Variants in TMEM71 observed in about 807,000 individuals in gnomAD.
TMEM71 encodes the protein transmembrane protein 71.
A neutral mutation model predicts 38.0 loss-of-function variants in TMEM71; 44 were observed. The observed-to-expected ratio is 1.16, with a 90% CI of 0.91 to 1.49. The LOEUF (loss-of-function observed/expected upper bound fraction) is 1.49. TMEM71 is among the 40% of genes most tolerant of loss of function. TMEM71 has a pLI of 0.00. For synonymous variants in TMEM71, 133 were observed against 122.5 expected, an observed-to-expected ratio of 1.09 and a Z score of -0.56; for missense variants, 367 against 348.6, an observed-to-expected ratio of 1.05 and a Z score of -0.42.
intron 6 of TMEM71, among the ~76,000 whole-genome samples, chr8:132,723,121 C>T (rs186459441): frequency 8.0e-4 from 122 of 152,246 alleles, no homozygotes; most frequent in Non-Finnish European, 8.1e-4. Flanking sequence ...GCCCATAATG[C>T]GGGTGGAATG....
At chr8:132,707,651 C>T (rs1826112888), downstream of TMEM71, among the ~76,000 whole-genome samples, 1 of 152,074 alleles carries the variant, frequency 6.6e-6, no homozygotes, top group Non-Finnish European at 1.5e-5. Context: ...TGCCAGATGC[C>T]AGCACCTTGA....
rs1827243303 is a variant in TMEM71 at position 132,727,958 on chromosome 8, A to T, written c.516T>A (p.Thr172=). ...NADDLDCSSL[T]DDWESGKMNA... ...TCATCTTCCCTGACTCCCAGTCATC[A>T]GTCAGAGAAGAACAGTCTAAATCAT... The change falls in exon 6 of 10, where the codon ACT becomes ACA. Residue 172 remains threonine (T), a synonymous_variant. Coordinates refer to ENST00000677595, the MANE Select transcript of TMEM71 (RefSeq NM_001382403.1). The T allele has an allele frequency of 6.2e-7, 1 of 1,613,604 alleles. No individual in the cohort carries two copies. Among genetic ancestry groups the T allele is most frequent in the Non-Finnish European group, 8.5e-7 (1 of 1,179,818 alleles).
At chr8:132,767,386 C>G in the TMEM71 span, among the ~76,000 whole-genome samples, 1 of 151,942 alleles carries the variant, frequency 6.6e-6, no homozygotes, top group Admixed American at 6.6e-5. Context: ...ATTCTAAGAA[C>G]ATATCAACAA....
In TMEM71 at chr8:132,757,218, A is replaced by C. The variant is rs1464462759; in HGVS notation, c.101+16T>G. ...GCCAGAATGATTATTTTTTTAAAAG[A>C]AGCCCCATAGTATACCTTGGGAAAA... On this transcript the variant is annotated intron_variant, in intron 3 of 9. Coordinates refer to ENST00000677595, the MANE Select transcript of TMEM71 (RefSeq NM_001382403.1). The C allele has an allele frequency of 6.3e-7, 1 of 1,594,516 alleles. No homozygotes were observed. The highest frequency in any genetic ancestry group is 1.7e-5 in the Admixed American group (1 of 59,708).
chr8:132,720,673 A>G lies in TMEM71; in HGVS notation c.752+1367T>C, dbSNP rs111779265. On this transcript the variant is annotated intron_variant, in intron 7 of 9. Transcript: ENST00000677595. ...TCAGTAAATCTTAATTAGAATCTCA[A>G]GAGATGGGATCTAGGACTTTGTATT... Among the ~76,000 whole-genome samples the G allele has an allele frequency of 2.9e-3, 445 of 152,328 alleles. 2 individuals are homozygous for G. The highest frequency in any genetic ancestry group is 1.0e-2 in the African/African-American group (414 of 41,580).
Position 132,722,117 on chromosome 8 carries a change from T to C in TMEM71, c.677-2A>G. On this transcript the variant is annotated splice_acceptor_variant, in intron 6 of 9. Transcript: ENST00000677595. LOFTEE classifies it high-confidence loss of function. ...AGACCTCTTGCAACAACCTGGTTTC[T>C]AATAGGAAGAACAAAAACAAATAAA... 1 of 1,609,464 alleles carries C rather than the reference T, an allele frequency of 6.2e-7. No individual in the cohort carries two copies. Among genetic ancestry groups the C allele is most frequent in the Non-Finnish European group, 8.5e-7 (1 of 1,176,760 alleles).
chr8:132,715,203 G>A (rs1026132992), intron 7 of TMEM71, among the ~76,000 whole-genome samples: 1 of 151,688 alleles, frequency 6.6e-6, no homozygotes. Flanking sequence ...TCAGGAGATT[G>A]AGACCGTCCT....
intron 7 of TMEM71, among the ~76,000 whole-genome samples, chr8:132,715,687 C>T (rs1826489339): frequency 6.6e-6 from 1 of 152,094 alleles, no homozygotes; most frequent in African/African-American, 2.4e-5. Flanking sequence ...CCAAGACACC[C>T]TTCAATAGGT....
chr8:132,751,823 T>C lies in TMEM71; in HGVS notation c.276A>G (p.Pro92=), dbSNP rs1212335239. The change falls in exon 4 of 10, where the codon CCA becomes CCG. Residue 92 remains proline (P), a synonymous_variant. Coordinates refer to ENST00000677595, the MANE Select transcript of TMEM71 (RefSeq NM_001382403.1). ...CCTTATACATAACGCTGGTCTGGGA[T>C]GGGTTCAGAGTTATGTTGCCATCTT... ...CDKDGNITLN[P]SQTSVMYKEN... is the part of the protein sequence containing the mutation. 6.2e-7 allele frequency: 1 copy of C among 1,613,882 alleles called. No homozygotes were observed. Among genetic ancestry groups the C allele is most frequent in the South Asian group, 1.1e-5 (1 of 91,072 alleles).
intron 5 of TMEM71, among the ~76,000 whole-genome samples, chr8:132,741,973 C>G (rs535553443): frequency 6.6e-6 from 1 of 152,360 alleles, no homozygotes; most frequent in African/African-American, 2.4e-5. Flanking sequence ...CGGGCGTCTT[C>G]CCAGACGCTG....
At chr8:132,771,243 A>T in the TMEM71 span, among the ~76,000 whole-genome samples, 1 of 152,176 alleles carries the variant, frequency 6.6e-6, no homozygotes, top group Non-Finnish European at 1.5e-5. Context: ...TCCAGGATCC[A>T]CCTGTCATTC....
At chr8:132,740,733 C>T (rs1401823574) in intron 5 of TMEM71, among the ~76,000 whole-genome samples, 3 of 152,228 alleles carry the variant, frequency 2.0e-5, no homozygotes, top group East Asian at 3.8e-4. Context: ...CGACCAGCCA[C>T]ACGGACCTTT....
chr8:132,765,073 A>G (rs538241112), upstream of TMEM71, among the ~76,000 whole-genome samples: 1 of 152,338 alleles, frequency 6.6e-6, no homozygotes, highest in East Asian at 1.9e-4. Flanking sequence ...AGTAAAAATC[A>G]ACCTTCAAGC....
the TMEM71 span, among the ~76,000 whole-genome samples, chr8:132,771,388 T>A: frequency 2.6e-5 from 4 of 152,162 alleles, no homozygotes; most frequent in Admixed American, 2.6e-4. Flanking sequence ...TTGCTGCATT[T>A]GCTGAAATAG....
intron 3 of TMEM71, 135 bp from the exon 4 acceptor site, chr8:132,752,132 A>G: frequency 1.4e-6 from 1 of 719,800 alleles, no homozygotes; most frequent in Non-Finnish European, 2.4e-6. Flanking sequence ...ACCATTAGGA[A>G]TGTCACTCTT....
At chr8:132,724,418 G>T (rs1827021111) in intron 6 of TMEM71, among the ~76,000 whole-genome samples, 1 of 152,066 alleles carries the variant, frequency 6.6e-6, no homozygotes. Flanking sequence ...TTCCTTGCTA[G>T]GAAAAGAATT....
Position 132,713,976 on chromosome 8 carries a change from T to C in TMEM71, c.872+19A>G. The C allele has an allele frequency of 6.2e-7, 1 of 1,612,318 alleles. No homozygotes were observed. On this transcript the variant is annotated intron_variant, in intron 9 of 9. Transcript: ENST00000677595. ...ATCACCTTGGTCCAGACAATAATGA[T>C]GACACAGGCAACACTTACCGAGCAC...
intron 5 of TMEM71, among the ~76,000 whole-genome samples, chr8:132,732,706 TC>T (rs1167785899): frequency 6.6e-6 from 1 of 152,082 alleles, no homozygotes; most frequent in African/African-American, 2.4e-5. Flanking sequence ...GACATTGGGG[TC>T]CTCATACAAC....
chr8:132,766,721 G>T, the TMEM71 span, among the ~76,000 whole-genome samples: 1 of 151,610 alleles, frequency 6.6e-6, no homozygotes, highest in African/African-American at 2.4e-5. Context: ...AGCAAGAGAG[G>T]CGGAGGTGGC....
Sources: gnomAD v4.1 joint callset for allele counts (sites outside exome capture counted in the v4.1 genomes callset) on GRCh38, gnomAD v4.1.1 for gene constraint, MANE v1.5 for transcripts, NCBI Gene and HGNC (gene_info 2026-07-23, HGNC 2026-07-21) for gene names.